The following LRRFIP1 variants were observed in gnomAD, a reference collection of about 807,000 sequenced individuals.
LRRFIP1 encodes the protein LRR binding FLII interacting protein 1, also known as leucine-rich repeat flightless-interacting protein 1.
In LRRFIP1, 62 loss-of-function variants were observed where a neutral mutation model predicts 104.4. The observed-to-expected ratio is 0.59, with a 90% CI of 0.48 to 0.73. The LOEUF (loss-of-function observed/expected upper bound fraction) is 0.73. Ranked by LOEUF, LRRFIP1 falls within the 30% of genes least tolerant of loss-of-function variation. The pLI, the probability that LRRFIP1 is intolerant of heterozygous loss-of-function variation, is 0.00. For synonymous variants in LRRFIP1, 300 were observed against 299.0 expected (o/e 1.00, Z -0.03); for missense variants, 796 against 824.5 (o/e 0.97, Z 0.42).
chr2:237,679,662 G>A (rs1323384010), intron 1 of LRRFIP1, among the ~76,000 whole-genome samples: 2 of 152,182 alleles, frequency 1.3e-5, no homozygotes, highest in African/African-American at 4.8e-5. Context: ...AGGCTAGAGT[G>A]CAATGGCATG....
At chr2:237,742,009 A>G (rs577510521) in intron 11 of LRRFIP1, among the ~76,000 whole-genome samples, 2 of 152,334 alleles carry the variant, frequency 1.3e-5, no homozygotes, top group South Asian at 2.1e-4. Flanking sequence ...TTATTCAAGC[A>G]TATGATGAAG....
Position 237,760,156 on chromosome 2 carries a change from G to A in LRRFIP1, c.1410G>A (p.Met470Ile), listed in dbSNP as rs747900551. ...NNVGYQGPTK[M>I]TKEELNALKS... ...TTGGATACCAAGGTCCTACCAAGAT[G>A]ACAAAAGAAGAGTTAAATGCCCTCA... The change falls in exon 19 of 24, where the codon ATG becomes ATA. Residue 470 changes from methionine to isoleucine, a missense_variant. By Grantham distance (10) the Met-to-Ile change is conservative. Coordinates refer to ENST00000308482, the MANE Select transcript of LRRFIP1 (RefSeq NM_001137550.2). 2.5e-6 allele frequency: 4 copies of A among 1,614,114 alleles called. No homozygotes were observed. The highest frequency in any genetic ancestry group is 3.4e-6 in the Non-Finnish European group (4 of 1,180,006).
At chr2:237,758,312 T>TA (rs1365526649) in intron 17 of LRRFIP1, among the ~76,000 whole-genome samples, 2 of 152,034 alleles carry the variant, frequency 1.3e-5, no homozygotes, top group Non-Finnish European at 2.9e-5. Flanking sequence ...AATCAGTGTA[T>TA]AAAAATAGTC....
At chr2:237,664,705 C>A (rs1372362506) in intron 1 of LRRFIP1, among the ~76,000 whole-genome samples, 1 of 152,190 alleles carries the variant, frequency 6.6e-6, no homozygotes, top group African/African-American at 2.4e-5. Flanking sequence ...GCATAGTGTT[C>A]TCTTCCCACA....
At position 237,735,296 on chromosome 2, in the gene LRRFIP1, G is replaced by T. The variant is rs1414273013; in HGVS notation, c.518G>T (p.Gly173Val). ...TCTGTGTTGGATGAAGGCAGCTTCG[G>T]TGGGACCCGACGGGGCAGCACCTCC... Reference protein sequence around the residue: ...RASVLDEGSFGGTRRGSTSGS... With the variant: ...RASVLDEGSFVGTRRGSTSGS... Residue 173 changes from glycine (G) to valine (V), a missense_variant, in exon 10 of 24, where the codon GGT (glycine) becomes GTT (valine). Transcript: ENST00000308482. This position sits in a 1 kb window ranked among gnomAD's most constrained non-coding sequence, Gnocchi z 4.6. 1 of 1,613,546 alleles carries T rather than the reference G, an allele frequency of 6.2e-7. No individual in the cohort carries two copies.
chr2:237,745,429 G>A (rs1006945627), intron 11 of LRRFIP1, among the ~76,000 whole-genome samples: 1 of 152,080 alleles, frequency 6.6e-6, no homozygotes, highest in Non-Finnish European at 1.5e-5. Context: ...ATTTTATTTT[G>A]AGTCCGTTGT....
rs1160110629 is a variant in LRRFIP1, at chr2:237,759,933, AT to A, written c.1318-128del. 5.3e-6 allele frequency: 4 copies of A among 750,476 alleles called. No homozygotes were observed. In the East Asian group the frequency reaches 1.1e-4, roughly 20 times the overall value. The allele number at this position is 750,476 out of a possible 1,614,324, so 46.5% of individuals were successfully genotyped here. On this transcript the variant is annotated intron_variant, in intron 18 of 23. Coordinates refer to ENST00000308482, the MANE Select transcript of LRRFIP1 (RefSeq NM_001137550.2). ...ATATTTACGAGTGCTGCACCCTAGC[AT>A]TTCTCTTGTCTCTGTGGAGTTACCC...
At chr2:237,639,312 A>G (rs996295461) in intron 1 of LRRFIP1, among the ~76,000 whole-genome samples, 1 of 152,244 alleles carries the variant, frequency 6.6e-6, no homozygotes, top group East Asian at 1.9e-4. Context: ...AACTCAGAAT[A>G]AAAGCGCGAA....
At chr2:237,769,591 T>C (rs1210135052) in intron 19 of LRRFIP1, 3 of 247,180 alleles carry the variant, frequency 1.2e-5, no homozygotes, top group African/African-American at 6.6e-5. Flanking sequence ...TGATTCTCGG[T>C]GTTTGTACAT....
chr2:237,653,501 AAAAAT>A (rs1344388332), intron 1 of LRRFIP1, among the ~76,000 whole-genome samples: 2 of 152,230 alleles, frequency 1.3e-5, no homozygotes, highest in Non-Finnish European at 2.9e-5. Flanking sequence ...CAAAAATAGA[AAAAAT>A]AAAATAAAAT....
At chr2:237,755,941 T>C (rs185832385) in intron 15 of LRRFIP1, among the ~76,000 whole-genome samples, 154 bp from the exon 16 acceptor site, 93 of 152,126 alleles carry the variant, frequency 6.1e-4, no homozygotes, top group South Asian at 2.1e-3. Flanking sequence ...CTCAAAAAAA[T>C]ATATAAATAA....
chr2:237,627,825 TC>T (rs1191849610), intron 1 of LRRFIP1, 85 bp downstream of exon 1: 3 of 900,296 alleles, frequency 3.3e-6, no homozygotes, highest in African/African-American at 1.8e-5. Flanking sequence ...CGTCCGTCTG[TC>T]CCGCTGTGCG....
chr2:237,756,642 C>T (rs577415005), intron 16 of LRRFIP1, among the ~76,000 whole-genome samples: 1 of 152,336 alleles, frequency 6.6e-6, no homozygotes, highest in Admixed American at 6.5e-5. Context: ...TTTCTTAAAT[C>T]TGAGAGTTTA....
chr2:237,679,005 C>A (rs2091493480), intron 1 of LRRFIP1, among the ~76,000 whole-genome samples: 1 of 152,180 alleles, frequency 6.6e-6, no homozygotes, highest in Admixed American at 6.5e-5. Context: ...ATGTAACTTG[C>A]CCAGCGCTGA....
intron 2 of LRRFIP1, among the ~76,000 whole-genome samples, chr2:237,712,061 G>A (rs1459624672): frequency 6.6e-6 from 1 of 152,224 alleles, no homozygotes; most frequent in Non-Finnish European, 1.5e-5. Flanking sequence ...GAGAAGCCTG[G>A]GGCGGGGGGA....
chr2:237,694,618 G>A (rs536339025), intron 1 of LRRFIP1, among the ~76,000 whole-genome samples: 2 of 152,316 alleles, frequency 1.3e-5, no homozygotes, highest in East Asian at 1.9e-4. Flanking sequence ...GTCTCCTGCG[G>A]AAAGGAGGGA....
At chr2:237,681,114 C>T (rs887629888) in intron 1 of LRRFIP1, among the ~76,000 whole-genome samples, 1 of 152,178 alleles carries the variant, frequency 6.6e-6, no homozygotes, top group South Asian at 2.1e-4. Flanking sequence ...TTTTTTGTAG[C>T]CCACAGCTTC....
At chr2:237,645,492 G>A (rs1293764450) in intron 1 of LRRFIP1, among the ~76,000 whole-genome samples, 3 of 151,852 alleles carry the variant, frequency 2.0e-5, no homozygotes, top group Non-Finnish European at 2.9e-5. Flanking sequence ...ACTTGCCACC[G>A]CCAAAGCCAG....
chr2:237,709,131 A>G (rs2093957070), intron 2 of LRRFIP1, among the ~76,000 whole-genome samples: 1 of 152,194 alleles, frequency 6.6e-6, no homozygotes, highest in Non-Finnish European at 1.5e-5. Context: ...ACATGGATGA[A>G]ACAGCCAGGA....
Sources: allele counts gnomAD v4.1 joint callset (sites outside exome capture counted in the v4.1 genomes callset), GRCh38; gene constraint gnomAD v4.1.1; non-coding constraint Gnocchi (gnomAD v3.1); transcripts MANE v1.5; gene names NCBI Gene and HGNC (gene_info 2026-07-23, HGNC 2026-07-21).